Variants in P2RX2 observed in about 807,000 individuals in gnomAD.
P2RX2 encodes the protein purinergic receptor P2X 2.
In P2RX2, 50 loss-of-function variants were observed where a neutral mutation model predicts 54.8. The ratio of observed to expected loss-of-function variants is 0.91; its 90% CI spans 0.73 to 1.15. P2RX2 has a LOEUF of 1.15. Among genes scored for constraint, P2RX2 ranks in the 50% most tolerant of loss-of-function variants. The probability of loss-of-function intolerance (pLI) is 0.00; values close to 1 mark genes in which losing one functional copy is unlikely to be tolerated. For missense variants in P2RX2, 658 were observed against 633.2 expected (o/e 1.04, Z -0.42); for synonymous variants, 289 against 259.4 (o/e 1.11, Z -1.09).
chr12:132,621,626 T>G lies in P2RX2; in HGVS notation c.1070T>G (p.Phe357Cys), dbSNP rs1486261484. 1.9e-6 allele frequency: 3 copies of G among 1,613,230 alleles called. No individual in the cohort carries two copies. The highest frequency in any genetic ancestry group is 2.5e-6 in the Non-Finnish European group (3 of 1,179,598). The change falls in exon 11 of 11, where the codon TTC becomes TGC. Residue 357 changes from phenylalanine (F) to cysteine (C), a missense_variant. Phe to Cys is a radical substitution (Grantham distance 205). Transcript: ENST00000643471. ...GGTCTCTGCTGGCCCCAGGGCTCCT[T>G]CCTGTGCGACTGGATCTTGCTAACA... ...TALTSVGVGS[F>C]LCDWILLTFM...
In P2RX2 at chr12:132,621,684, G is replaced by A. The variant is rs1192675888; in HGVS notation, c.1128G>A (p.Lys376=). The A allele has an allele frequency of 2.5e-6, 4 of 1,613,874 alleles. No homozygotes were observed. Among genetic ancestry groups the A allele is most frequent in the South Asian group, 1.1e-5 (1 of 90,994 alleles). ...ACAAAAACAAGGTCTACAGCCATAA[G>A]AAATTTGACAAGGTGTGTACGCCGA... ...FMNKNKVYSH[K]KFDKVCTPSH... Residue 376 remains lysine, a synonymous_variant, in exon 11 of 11, where the codon AAG becomes AAA. Coordinates refer to ENST00000643471, the MANE Select transcript of P2RX2 (RefSeq NM_170682.4).
In P2RX2 at chr12:132,620,352, G is replaced by A. The variant is rs768463196; in HGVS notation, c.635+5G>A. 1 of 1,614,070 alleles carries A rather than the reference G, an allele frequency of 6.2e-7. No individual in the cohort carries two copies. Among genetic ancestry groups the A allele is most frequent in the Non-Finnish European group, 8.5e-7 (1 of 1,179,900 alleles). On this transcript the variant is annotated splice_donor_5th_base_variant and intron_variant, in intron 6 of 10. Coordinates refer to ENST00000643471, the MANE Select transcript of P2RX2 (RefSeq NM_170682.4). ...CCCCAAATTCCACTTCTCCAAGTAA[G>A]AGCCGCGGGGTGTGGTGACGGCCCA...
rs2041536627 is a variant in P2RX2 at position 132,619,367 on chromosome 12, C to T, written c.174-72C>T. Reference sequence around the variant, plus strand: ...AGCGGACCCGGGTCGCGGGAGGGCCCCTGCCGTGCCTGCGGGCGGGACTCA... The same window carrying T: ...AGCGGACCCGGGTCGCGGGAGGGCCTCTGCCGTGCCTGCGGGCGGGACTCA... On this transcript the variant is annotated intron_variant, in intron 1 of 10. Coordinates refer to ENST00000643471, the MANE Select transcript of P2RX2 (RefSeq NM_170682.4). 3 of 1,577,614 alleles carry T rather than the reference C, an allele frequency of 1.9e-6. No homozygotes were observed. The South Asian group carries it at 3.4e-5, about 18-fold the overall frequency.
In P2RX2 at chr12:132,620,295, T is replaced by C; in HGVS notation, c.583T>C (p.Phe195Leu). The change falls in exon 6 of 11, where the codon TTC (phenylalanine) becomes CTC (leucine). Residue 195 changes from phenylalanine (F) to leucine (L), a missense_variant. Phe to Leu is a conservative substitution (Grantham distance 22, BLOSUM62 0). Transcript: ENST00000643471. The stretch of plus-strand genomic sequence containing the variant: ...ATTTCTGGGTACGATGGCCCCAAAT[T>C]TCACCATCCTCATCAAGAACAGCAT... ...SQFLGTMAPN[F>L]TILIKNSIHY... The C allele has an allele frequency of 6.2e-7, 1 of 1,614,046 alleles. No individual in the cohort carries two copies. The highest frequency in any genetic ancestry group is 8.5e-7 in the Non-Finnish European group (1 of 1,179,936).
In P2RX2 at chr12:132,621,071, A is replaced by G; in HGVS notation, c.845A>G (p.Lys282Arg). 1 of 1,614,036 alleles carries G rather than the reference A, an allele frequency of 6.2e-7. No homozygotes were observed. Among genetic ancestry groups the G allele is most frequent in the East Asian group, 2.2e-5 (1 of 44,876 alleles). The change falls in exon 8 of 11, where the codon AAG becomes AGG. Residue 282 changes from lysine (K) to arginine (R), a missense_variant. Coordinates refer to ENST00000643471, the MANE Select transcript of P2RX2 (RefSeq NM_170682.4). ...LDLPASECNP[K>R]YSFRRLDPKH... ...CTGCCTGCATCGGAGTGCAACCCCA[A>G]GTACTCCTTCCGGAGGCTTGACCCC... is the stretch of plus-strand genomic sequence containing the variant.
chr12:132,620,252 T>A lies in P2RX2; in HGVS notation c.555-15T>A. On this transcript the variant is annotated splice_polypyrimidine_tract_variant and intron_variant, in intron 5 of 10. Transcript: ENST00000643471. ...CGGGAAGAGGGGACTAAACAACCCT[T>A]CTGTGCCTCCTCAGCCAATTTCTGG... 1 of 1,611,588 alleles carries A rather than the reference T, an allele frequency of 6.2e-7. No individual in the cohort carries two copies. Among genetic ancestry groups the A allele is most frequent in the Non-Finnish European group, 8.5e-7 (1 of 1,177,736 alleles).
chr12:132,621,446 A>C (rs371375307), intron 9 of P2RX2, 29 bp from the exon 10 acceptor site: 2 of 1,576,740 alleles, frequency 1.3e-6, no homozygotes, highest in Non-Finnish European at 1.7e-6. Context: ...GCCGTCAGAC[A>C]TTCTGACCAC....
In P2RX2 at chr12:132,622,210, C is replaced by T. The variant is rs563230488; in HGVS notation, c.*238C>T. On this transcript the variant is annotated 3_prime_UTR_variant, in exon 11 of 11. Coordinates refer to ENST00000643471, the MANE Select transcript of P2RX2 (RefSeq NM_170682.4). ...GGTCCCTACAGGGCTGCTCACTTCC[C>T]ATCACCTCTCACAGCCACCTGGAAC... is the stretch of plus-strand genomic sequence containing the variant. The T allele has an allele frequency of 8.3e-5, 116 of 1,396,244 alleles. No individual in the cohort carries two copies. The African/African-American group carries it at 1.3e-3, about 16-fold the overall frequency. 86.5% of individuals were successfully genotyped at this position (1,396,244 alleles called of 1,614,324 possible).
rs2041702063 is a variant in P2RX2, at chr12:132,621,793, C to T, written c.1237C>T (p.Gln413Ter). ...CGAACCCGGCCACCGCTCCGAGGACCAGCACCCCAGCCCTCCATCAGGCCA... is the reference window on the plus strand; with the variant it reads ...CGAACCCGGCCACCGCTCCGAGGACTAGCACCCCAGCCCTCCATCAGGCCA... ...PPEPGHRSED[Q>*]HPSPPSGQEG... The change falls in exon 11 of 11, where the codon CAG becomes TAG. Residue 413 changes from glutamine to a stop codon, truncating the protein, a stop_gained. Transcript: ENST00000643471. LOFTEE classifies it high-confidence loss of function. 1.2e-6 allele frequency: 2 copies of T among 1,602,712 alleles called. No individual in the cohort carries two copies. Among genetic ancestry groups the T allele is most frequent in the African/African-American group, 1.3e-5 (1 of 74,762 alleles).
chr12:132,619,771 TG>T (rs2041564067), intron 3 of P2RX2, 21 bp downstream of exon 3: 3 of 1,610,080 alleles, frequency 1.9e-6, no homozygotes, highest in Non-Finnish European at 2.5e-6. Context: ...CCCGCGGCGC[TG>T]GGGGACCCCG....
At chr12:132,621,380 T>C (rs775551691) in intron 9 of P2RX2, 35 bp downstream of exon 9, 1 of 1,613,064 alleles carries the variant, frequency 6.2e-7, no homozygotes, top group Non-Finnish European at 8.5e-7. Context: ...TGGCCAGCCC[T>C]GCTAGCCTGG....
Position 132,619,876 on chromosome 12 carries a change from C to T in P2RX2, c.414C>T (p.Ser138=). The change falls in exon 4 of 11, where the codon TCC becomes TCT. Residue 138 remains serine (S), a synonymous_variant. Transcript: ENST00000643471. ...SIRVHNATCL[S]DADCVAGELD... is the part of the protein sequence containing the mutation. ...GGGTCCACAACGCCACCTGCCTCTC[C>T]GACGCCGACTGCGTGGCTGGGGAGC... 6.2e-7 allele frequency: 1 copy of T among 1,611,908 alleles called. No homozygotes were observed. The highest frequency in any genetic ancestry group is 1.7e-4 in the Middle Eastern group (1 of 5,956).
At position 132,621,773 on chromosome 12, in the gene P2RX2, C is replaced by A. The variant is rs754210919; in HGVS notation, c.1217C>A (p.Pro406His). The A allele has an allele frequency of 7.5e-6, 12 of 1,600,572 alleles. No individual in the cohort carries two copies. The highest frequency in any genetic ancestry group is 3.4e-5 in the Admixed American group (2 of 59,166). The change falls in exon 11 of 11, where the codon CCC becomes CAC. Residue 406 changes from proline (P) to histidine (H), a missense_variant. By Grantham distance (77) the Pro-to-His change is moderately conservative. Coordinates refer to ENST00000643471, the MANE Select transcript of P2RX2 (RefSeq NM_170682.4). ...ARVLGQAPPE[P>H]GHRSEDQHPS... ...GTATTGGGCCAGGCCCCTCCCGAAC[C>A]CGGCCACCGCTCCGAGGACCAGCAC...
At position 132,621,699 on chromosome 12, in the gene P2RX2, G is replaced by A. The variant is rs200650318; in HGVS notation, c.1143G>A (p.Val381=). The A allele has an allele frequency of 6.1e-5, 98 of 1,613,590 alleles. No individual in the cohort carries two copies. Among genetic ancestry groups the A allele is most frequent in the Non-Finnish European group, 6.0e-5 (71 of 1,179,840 alleles). Residue 381 remains valine (V), a synonymous_variant, in exon 11 of 11, where the codon GTG becomes GTA. Transcript: ENST00000643471. ...ACAGCCATAAGAAATTTGACAAGGT[G>A]TGTACGCCGAGCCACCCCTCAGGTA... is the stretch of plus-strand genomic sequence containing the variant. The part of the protein sequence containing the change: ...KVYSHKKFDK[V]CTPSHPSGSW...
chr12:132,621,185 G>A (rs562797244), intron 8 of P2RX2, 54 bp downstream of exon 8: 22 of 1,613,742 alleles, frequency 1.4e-5, no homozygotes, highest in African/African-American at 5.3e-5. Context: ...GTGGGGTCCC[G>A]AGAGGCCCAA....
chr12:132,619,451 C>A lies in P2RX2; in HGVS notation c.186C>A (p.Ile62=). ...CCCCTGCCCGCAGGTACGTATTCAT[C>A]GTGCAGAAAAGCTACCAGGAGAGCG... is the stretch of plus-strand genomic sequence containing the variant. ...ILLYFVWYVF[I]VQKSYQESET... The change falls in exon 2 of 11, where the codon ATC becomes ATA. Residue 62 remains isoleucine, a synonymous_variant. Transcript: ENST00000643471. The A allele has an allele frequency of 6.2e-7, 1 of 1,612,222 alleles. No homozygotes were observed. The highest frequency in any genetic ancestry group is 8.5e-7 in the Non-Finnish European group (1 of 1,179,372).
Position 132,622,286 on chromosome 12 carries a change from AACCCCACCCC to A in P2RX2, c.*327_*336del, listed in dbSNP as rs928835114. 7.6e-5 allele frequency: 95 copies of A among 1,241,944 alleles called. No individual in the cohort carries two copies. Among genetic ancestry groups the A allele is most frequent in the Middle Eastern group, 3.0e-4 (1 of 3,300 alleles). 76.9% of individuals were successfully genotyped at this position (1,241,944 alleles called of 1,614,324 possible). ...TCTGCTCCCGGTCTTGGGCCCTGGGAACCCCACCCCACCCCACCCCACAGGCGTTGTAACC... is the reference window on the plus strand; with the variant it reads ...TCTGCTCCCGGTCTTGGGCCCTGGGAACCCCACCCCACAGGCGTTGTAACC... On this transcript the variant is annotated 3_prime_UTR_variant, in exon 11 of 11. Coordinates refer to ENST00000643471, the MANE Select transcript of P2RX2 (RefSeq NM_170682.4).
rs761180947 is a variant in P2RX2, at chr12:132,621,292, C to T, written c.943C>T (p.Arg315Cys). ...KYYKINGTTT[R>C]TLIKAYGIRI... ...CTACAAGATCAATGGCACCACCACCCGCACGCTCATCAAGGCCTACGGGAT... is the reference window on the plus strand; with the variant it reads ...CTACAAGATCAATGGCACCACCACCTGCACGCTCATCAAGGCCTACGGGAT... The change falls in exon 9 of 11, where the codon CGC (arginine) becomes TGC (cysteine). Residue 315 changes from arginine to cysteine, a missense_variant. By Grantham distance (180) the Arg-to-Cys change is radical. Coordinates refer to ENST00000643471, the MANE Select transcript of P2RX2 (RefSeq NM_170682.4). 4.6e-5 allele frequency: 74 copies of T among 1,613,918 alleles called. No individual in the cohort carries two copies. The highest frequency in any genetic ancestry group is 6.7e-5 in the African/African-American group (5 of 74,922).
chr12:132,620,373 G>T (rs371773335), intron 6 of P2RX2, 26 bp downstream of exon 6: 2 of 1,613,618 alleles, frequency 1.2e-6, no homozygotes, highest in Non-Finnish European at 1.7e-6. Flanking sequence ...TGTGGTGACG[G>T]CCCAGCCTGA....
Sources: allele counts gnomAD v4.1 joint callset, GRCh38; gene constraint gnomAD v4.1.1; transcripts MANE v1.5; gene names NCBI Gene and HGNC (gene_info 2026-07-23, HGNC 2026-07-21).